Variants in TBPL1 observed in about 807,000 individuals in gnomAD.
TBPL1 encodes TATA box-binding protein-like 1.
TBPL1 carries 4 observed loss-of-function variants against 22.1 expected under a neutral mutation model. That is an observed-to-expected ratio of 0.18 (90% confidence interval 0.09 to 0.41). The LOEUF (loss-of-function observed/expected upper bound fraction) is 0.41, where lower values mean the gene tolerates loss of function less well. Among genes scored for constraint, TBPL1 ranks in the 10% least tolerant of loss-of-function variants. The pLI is 1.00. For missense variants in TBPL1, 115 were observed against 222.3 expected, an observed-to-expected ratio of 0.52 and a Z score of 3.07; for synonymous variants, 64 against 71.0, an observed-to-expected ratio of 0.90 and a Z score of 0.50.
chr6:133,952,931 G>A (rs1049741615), upstream of TBPL1, among the ~76,000 whole-genome samples: 2 of 152,258 alleles, frequency 1.3e-5, no homozygotes, highest in South Asian at 2.1e-4. This position sits in a 1 kb window ranked among gnomAD's most constrained non-coding sequence, Gnocchi z 4.5. Context: ...CCTTTCAAGC[G>A]GTTCTTAAAC....
rs200249148 is a variant in TBPL1 at position 133,987,648 on chromosome 6, G to GTGTGTGTATATATA, written c.*609_*610insGTGTGTATATATAT. Reference sequence around the variant, plus strand: ...TTTGTGTGTGTGTGTGTGTGTGTGTGTATATATATATATATATATGCACCA... The same window carrying GTGTGTGTATATATA: ...TTTGTGTGTGTGTGTGTGTGTGTGTGTGTGTGTATATATATATATATATATATATATATGCACCA... On this transcript the variant is annotated 3_prime_UTR_variant, in exon 7 of 7. Transcript: ENST00000237264. 2 of 88,320 alleles carry GTGTGTGTATATATA rather than the reference G, an allele frequency of 2.3e-5. No homozygotes were observed. Among genetic ancestry groups the GTGTGTGTATATATA allele is most frequent in the African/African-American group, 3.6e-5 (1 of 27,502 alleles). The allele number at this position is 88,320 out of a possible 1,614,324, so 5.5% of individuals were successfully genotyped here.
intron 1 of TBPL1, among the ~76,000 whole-genome samples, chr6:133,972,200 T>G (rs1776235216): frequency 6.6e-6 from 1 of 152,190 alleles, no homozygotes; most frequent in African/African-American, 2.4e-5. Flanking sequence ...TGAGTCTACA[T>G]CTCTAAAAAA....
intron 1 of TBPL1, among the ~76,000 whole-genome samples, chr6:133,978,067 C>G (rs895969635): frequency 6.6e-6 from 1 of 152,128 alleles, no homozygotes; most frequent in African/African-American, 2.4e-5. Flanking sequence ...TATTTTATTT[C>G]TGCCACATTG....
chr6:133,984,494 CA>C lies in TBPL1; in HGVS notation c.386+17del, dbSNP rs548204674. On this transcript the variant is annotated intron_variant, in intron 5 of 6. Coordinates refer to ENST00000237264, the MANE Select transcript of TBPL1 (RefSeq NM_004865.4). Reference sequence around the variant, plus strand: ...CCTCATGCCAGGTAAGTCTTTGAAGCAATTTATCTTGAGAAATTACCAAATT... The same window carrying C: ...CCTCATGCCAGGTAAGTCTTTGAAGCATTTATCTTGAGAAATTACCAAATT... 25 of 1,612,062 alleles carry C rather than the reference CA, an allele frequency of 1.6e-5. No homozygotes were observed. The highest frequency in any genetic ancestry group is 2.7e-5 in the African/African-American group (2 of 74,798).
At chr6:133,982,787 G>T in intron 3 of TBPL1, 30 bp from the exon 4 acceptor site, 1 of 1,605,012 alleles carries the variant, frequency 6.2e-7, no homozygotes, top group South Asian at 1.1e-5. Flanking sequence ...CTGTGTAACT[G>T]ATAATCTTTT....
At chr6:133,966,454 C>G (rs943257478) in intron 1 of TBPL1, among the ~76,000 whole-genome samples, 8 of 152,206 alleles carry the variant, frequency 5.3e-5, no homozygotes, top group African/African-American at 1.9e-4. Flanking sequence ...AAATTTCACC[C>G]ATGATGGTTT....
At chr6:133,969,382 C>A (rs1399935890) in intron 1 of TBPL1, among the ~76,000 whole-genome samples, 1 of 148,128 alleles carries the variant, frequency 6.8e-6, no homozygotes, top group Non-Finnish European at 1.5e-5. Context: ...CACTTTGATA[C>A]AAAATTATTC....
Position 133,984,427 on chromosome 6 carries a change from C to T in TBPL1, c.334C>T (p.Pro112Ser), listed in dbSNP as rs1331131244. 6.2e-7 allele frequency: 1 copy of T among 1,613,586 alleles called. No individual in the cohort carries two copies. The highest frequency in any genetic ancestry group is 8.5e-7 in the Non-Finnish European group (1 of 1,179,822). The change falls in exon 5 of 7, where the codon CCA becomes TCA. Residue 112 changes from proline to serine, a missense_variant. Transcript: ENST00000237264. ...TAACGTTCTGGCAGTGTGTAACATG[C>T]CATTTGAAATCCGTTTGCCAGAATT... ...VVNVLAVCNM[P>S]FEIRLPEFTK... is the part of the protein sequence containing the mutation.
At chr6:133,969,505 T>C (rs1037133076) in intron 1 of TBPL1, among the ~76,000 whole-genome samples, 1 of 152,208 alleles carries the variant, frequency 6.6e-6, no homozygotes, top group Non-Finnish European at 1.5e-5. Flanking sequence ...TAACTGAATG[T>C]AATGATGCTT....
At position 133,989,676 on chromosome 6, in the gene TBPL1, G is replaced by T. The variant is rs141162908; in HGVS notation, c.*2636G>T. The stretch of plus-strand genomic sequence containing the variant: ...ATACACTGCAGATCCAGGCCTTTTA[G>T]TCAGTCTCCTGAGTCTCTGATATAG... On this transcript the variant is annotated 3_prime_UTR_variant, in exon 7 of 7. Coordinates refer to ENST00000237264, the MANE Select transcript of TBPL1 (RefSeq NM_004865.4). 23 of 152,248 alleles carry T rather than the reference G, an allele frequency of 1.5e-4. No homozygotes were observed. The highest frequency in any genetic ancestry group is 5.1e-4 in the African/African-American group (21 of 41,538). 9.4% of individuals were successfully genotyped at this position (152,248 alleles called of 1,614,324 possible). A position where few individuals can be genotyped will look rare whatever the true frequency, so the allele number is the denominator to read the frequency against.
intron 1 of TBPL1, among the ~76,000 whole-genome samples, chr6:133,962,214 G>T (rs1205955045): frequency 6.6e-6 from 1 of 152,190 alleles, no homozygotes; most frequent in Non-Finnish European, 1.5e-5. Context: ...AAGGCAAGCA[G>T]ATGAGATTCT....
intron 6 of TBPL1, among the ~76,000 whole-genome samples, chr6:133,985,337 T>TACACACAC (rs60174070): frequency 1.8e-5 from 1 of 55,018 alleles, no homozygotes; most frequent in African/African-American, 5.9e-5. Context: ...TATATATATA[T>TACACACAC]ACACACATAT....
intron 1 of TBPL1, among the ~76,000 whole-genome samples, chr6:133,971,279 G>A (rs1036071857): frequency 2.6e-5 from 4 of 151,966 alleles, no homozygotes; most frequent in African/African-American, 9.7e-5. Context: ...TCTTACAGCT[G>A]AATAATATTC....
At position 133,986,826 on chromosome 6, in the gene TBPL1, G is replaced by T; in HGVS notation, c.482-135G>T. 1 of 538,100 alleles carries T rather than the reference G, an allele frequency of 1.9e-6. No homozygotes were observed. The highest frequency in any genetic ancestry group is 3.2e-6 in the Non-Finnish European group (1 of 309,400). 33.3% of individuals were successfully genotyped at this position (538,100 alleles called of 1,614,324 possible). On this transcript the variant is annotated intron_variant, in intron 6 of 6. Coordinates refer to ENST00000237264, the MANE Select transcript of TBPL1 (RefSeq NM_004865.4). The stretch of plus-strand genomic sequence containing the variant: ...ATTATGGCTATGTGTATAATTATAT[G>T]TCTAGTTTTCTTTTTTTTAACAGTT...
rs116433891 is a variant in TBPL1, at chr6:133,972,540, G to C, written c.-44-7542G>C. Among the ~76,000 whole-genome samples the C allele has an allele frequency of 6.5e-3, 989 of 152,232 alleles. 12 individuals are homozygous for C. Among genetic ancestry groups the C allele is most frequent in the African/African-American group, 0.023 (958 of 41,520 alleles). On this transcript the variant is annotated intron_variant, in intron 1 of 6. Coordinates refer to ENST00000237264, the MANE Select transcript of TBPL1 (RefSeq NM_004865.4). Reference sequence around the variant, plus strand: ...TAGGCTTGTGGTTCATTTGGTTCTTGTCACAACTACTCAGTTGTGCTGCGT... The same window carrying C: ...TAGGCTTGTGGTTCATTTGGTTCTTCTCACAACTACTCAGTTGTGCTGCGT...
Position 133,984,417 on chromosome 6 carries a change from G to A in TBPL1, c.324G>A (p.Val108=). 2 of 1,613,514 alleles carry A rather than the reference G, an allele frequency of 1.2e-6. No individual in the cohort carries two copies. Among genetic ancestry groups the A allele is most frequent in the African/African-American group, 1.3e-5 (1 of 74,976 alleles). The change falls in exon 5 of 7, where the codon GTG becomes GTA. Residue 108 remains valine, a synonymous_variant. Coordinates refer to ENST00000237264, the MANE Select transcript of TBPL1 (RefSeq NM_004865.4). ...TDFKVVNVLA[V]CNMPFEIRLP... ...TTAAGGTTGTTAACGTTCTGGCAGT[G>A]TGTAACATGCCATTTGAAATCCGTT...
chr6:133,976,077 G>T (rs1228573498), intron 1 of TBPL1, among the ~76,000 whole-genome samples: 1 of 152,090 alleles, frequency 6.6e-6, no homozygotes, highest in Admixed American at 6.5e-5. Context: ...GAAATATAAT[G>T]AAATGTACTG....
chr6:133,978,610 A>G (rs1776355598), intron 1 of TBPL1, among the ~76,000 whole-genome samples: 1 of 152,242 alleles, frequency 6.6e-6, no homozygotes, highest in Non-Finnish European at 1.5e-5. Flanking sequence ...AAATAACAGA[A>G]AAACAAAAAG....
intron 1 of TBPL1, among the ~76,000 whole-genome samples, chr6:133,961,582 C>T (rs1288008433): frequency 6.6e-6 from 1 of 151,154 alleles, no homozygotes; most frequent in Non-Finnish European, 1.5e-5. Flanking sequence ...ATTCTTCTGC[C>T]TCAGCCTCCT....
Sources: allele counts gnomAD v4.1 joint callset (sites outside exome capture counted in the v4.1 genomes callset), GRCh38; gene constraint gnomAD v4.1.1; non-coding constraint Gnocchi (gnomAD v3.1); transcripts MANE v1.5; gene names NCBI Gene and HGNC (gene_info 2026-07-23, HGNC 2026-07-21).